AVEN: variants seen among roughly 807,000 people sequenced by gnomAD.
The protein encoded by AVEN is apoptosis and caspase activation inhibitor.
AVEN carries 41 observed loss-of-function variants against 38.1 expected under a neutral mutation model. The ratio of observed to expected loss-of-function variants is 1.08; its 90% CI spans 0.84 to 1.40. AVEN has a LOEUF of 1.40. AVEN is among the 40% of genes most tolerant of loss of function. AVEN has a pLI of 0.00. For missense variants in AVEN, 605 were observed against 438.8 expected (o/e 1.38, Z -3.38); for synonymous variants, 206 against 171.8 (o/e 1.20, Z -1.56).
chr15:34,045,366 T>C (rs1899646457), intron 5 of AVEN, among the ~76,000 whole-genome samples: 1 of 152,230 alleles, frequency 6.6e-6, no homozygotes, highest in Non-Finnish European at 1.5e-5. Flanking sequence ...AATTTGATTC[T>C]ACCAGTCAAA....
chr15:34,039,094 G>T lies in AVEN; in HGVS notation c.-48C>A. The T allele has an allele frequency of 1.9e-6, 2 of 1,069,582 alleles. No individual in the cohort carries two copies. The highest frequency in any genetic ancestry group is 4.4e-5 in the South Asian group (1 of 22,614). The allele number at this position is 1,069,582 out of a possible 1,614,324, so 66.3% of individuals were successfully genotyped here. ...AGCGCGCGGGAGCCGAGCTGCGGCGGAGACGCCCTGGCCCCACCGGAAGCG... is the reference window on the plus strand; with the variant it reads ...AGCGCGCGGGAGCCGAGCTGCGGCGTAGACGCCCTGGCCCCACCGGAAGCG... On this transcript the variant is annotated 5_prime_UTR_variant, in exon 1 of 6. Coordinates refer to ENST00000306730, the MANE Select transcript of AVEN (RefSeq NM_020371.3).
At chr15:33,857,489 G>T (rs888422645), downstream of AVEN, among the ~76,000 whole-genome samples, 3 of 152,020 alleles carry the variant, frequency 2.0e-5, no homozygotes, top group African/African-American at 7.2e-5. Flanking sequence ...GTCACATTCT[G>T]AGGTACTGGA....
chr15:33,943,453 G>A (rs111893431), intron 2 of AVEN, among the ~76,000 whole-genome samples: 6 of 152,284 alleles, frequency 3.9e-5, no homozygotes, highest in East Asian at 1.9e-4. Flanking sequence ...GGGGCTGGGA[G>A]GGAGGGCAAA....
intron 4 of AVEN, among the ~76,000 whole-genome samples, chr15:33,869,972 G>T (rs547060893): frequency 3.9e-4 from 60 of 152,114 alleles, no homozygotes; most frequent in African/African-American, 1.4e-3. Flanking sequence ...GAACTATAAA[G>T]TTCAGCATTC....
intron 2 of AVEN, among the ~76,000 whole-genome samples, chr15:33,975,968 A>G (rs116467312): frequency 0.015 from 2,210 of 152,266 alleles, 51 homozygotes; most frequent in African/African-American, 0.05. Context: ...GGTCCCTTGC[A>G]TAATATTCTA....
At chr15:33,993,721 G>A (rs1256844002) in intron 2 of AVEN, among the ~76,000 whole-genome samples, 1 of 152,048 alleles carries the variant, frequency 6.6e-6, no homozygotes, top group Non-Finnish European at 1.5e-5. Flanking sequence ...CTGCTACCGG[G>A]CCCTCCTCAA....
intron 2 of AVEN, among the ~76,000 whole-genome samples, chr15:33,942,312 T>C (rs1894346828): frequency 1.3e-5 from 2 of 152,220 alleles, no homozygotes; most frequent in Admixed American, 1.3e-4. Flanking sequence ...CAAGCTCCCA[T>C]TCAAAATGTA....
downstream of AVEN, among the ~76,000 whole-genome samples, chr15:33,862,244 A>AC (rs939656766): frequency 1.3e-5 from 2 of 152,014 alleles, no homozygotes; most frequent in Non-Finnish European, 2.9e-5. Flanking sequence ...TAGGGTCTCA[A>AC]CCCCGTTGCC....
intron 2 of AVEN, among the ~76,000 whole-genome samples, chr15:33,970,386 CAATTT>C (rs1458107087): frequency 6.6e-6 from 1 of 151,838 alleles, no homozygotes; most frequent in Non-Finnish European, 1.5e-5. Flanking sequence ...AGGAAAGCAG[CAATTT>C]AATACAAGTA....
chr15:33,920,363 AACC>A (rs1301075649), intron 2 of AVEN, among the ~76,000 whole-genome samples: 1 of 152,182 alleles, frequency 6.6e-6, no homozygotes, highest in Non-Finnish European at 1.5e-5. Context: ...AACCCCTAGC[AACC>A]ACCATTCTAC....
At chr15:33,983,427 G>C (rs1333433452) in intron 2 of AVEN, among the ~76,000 whole-genome samples, 1 of 151,776 alleles carries the variant, frequency 6.6e-6, no homozygotes, top group African/African-American at 2.4e-5. Context: ...TGACAGAAGG[G>C]TCAATGACAC....
downstream of AVEN, chr15:33,865,464 A>T: frequency 6.5e-6 from 3 of 461,938 alleles, no homozygotes; most frequent in Non-Finnish European, 1.2e-5. Flanking sequence ...GAATCAAGTA[A>T]TCTCTAGGCA....
chr15:33,931,618 C>A (rs927975749), intron 2 of AVEN, among the ~76,000 whole-genome samples: 1 of 152,108 alleles, frequency 6.6e-6, no homozygotes, highest in Non-Finnish European at 1.5e-5. Flanking sequence ...GATCTGCCCG[C>A]CTCGGCCTCC....
chr15:33,854,421 G>A, downstream of AVEN: 1 of 1,575,864 alleles, frequency 6.3e-7, no homozygotes. Context: ...TACCATATCT[G>A]GAAGCTTGGA....
intron 4 of AVEN, among the ~76,000 whole-genome samples, chr15:33,870,224 C>T (rs1347135176): frequency 6.6e-6 from 1 of 152,184 alleles, no homozygotes; most frequent in Non-Finnish European, 1.5e-5. Flanking sequence ...TACAGTACTA[C>T]TCACCTGCAC....
intron 5 of AVEN, 99 bp downstream of exon 5, chr15:33,867,396 C>T: frequency 2.1e-6 from 3 of 1,457,144 alleles, no homozygotes; most frequent in African/African-American, 2.8e-5. Flanking sequence ...GGATCAATGT[C>T]AGACACCCAG....
intron 1 of AVEN, 109 bp downstream of exon 1, chr15:34,038,671 C>CCG: frequency 1.9e-6 from 2 of 1,037,146 alleles, no homozygotes; most frequent in Non-Finnish European, 2.3e-6. Flanking sequence ...GGCGCCGCCG[C>CCG]CCGTCTGGCG....
intron 2 of AVEN, among the ~76,000 whole-genome samples, chr15:33,933,294 G>T (rs960411017): frequency 6.6e-6 from 1 of 152,066 alleles, no homozygotes. Flanking sequence ...GGAGTATAAT[G>T]GTCTTTCCAA....
chr15:34,068,937 C>G (rs912678231), intron 2 of AVEN, among the ~76,000 whole-genome samples: 7 of 151,714 alleles, frequency 4.6e-5, no homozygotes, highest in East Asian at 2.0e-4. Context: ...TCAGCCTCCC[C>G]AGTAGCTGGG....
Sources: gnomAD v4.1 joint callset for allele counts (sites outside exome capture counted in the v4.1 genomes callset) on GRCh38, gnomAD v4.1.1 for gene constraint, MANE v1.5 for transcripts, NCBI Gene and HGNC (gene_info 2026-07-23, HGNC 2026-07-21) for gene names.